The following SLC35F3 variants were observed in gnomAD, a reference collection of about 807,000 sequenced individuals.
SLC35F3 encodes solute carrier family 35 member F3, also known as putative thiamine transporter SLC35F3.
Under a neutral mutation model 49.9 loss-of-function variants are expected in SLC35F3, and 25 were observed. The ratio of observed to expected loss-of-function variants is 0.50; its 90% confidence interval spans 0.37 to 0.70. The LOEUF is 0.70. Ranked by LOEUF, SLC35F3 falls within the 30% of genes least tolerant of loss-of-function variation. The pLI is 0.00. For synonymous variants in SLC35F3, 275 were observed against 265.4 expected (o/e 1.04, Z -0.35); for missense variants, 525 against 639.8 (o/e 0.82, Z 1.94).
At position 233,977,349 on chromosome 1, in the gene SLC35F3, C is replaced by A. The variant is rs148735450; in HGVS notation, c.283+71591C>A. On this transcript the variant is annotated intron_variant, in intron 2 of 7. Transcript: ENST00000366618. ...TGGGATTACAAAATTGCAGCTTTGT[C>A]TTTTAGAAGAGAAAATTCACAGAGA... is the stretch of plus-strand genomic sequence containing the variant. Among the ~76,000 whole-genome samples, 101 of 152,308 alleles carry A rather than the reference C, an allele frequency of 6.6e-4. 1 individual carries two copies. In the East Asian group the frequency reaches 0.016, roughly 24 times the overall value.
In SLC35F3 at chr1:233,921,856, A is replaced by G. The variant is rs1662067505; in HGVS notation, c.283+16098A>G. 3.2e-5 allele frequency among the ~76,000 whole-genome samples: 4 copies of G among 126,536 alleles called. No homozygotes were observed. In the South Asian group the frequency reaches 7.6e-4, roughly 24 times the overall value. 83.0% of individuals were successfully genotyped at this position (126,536 alleles called of 152,430 possible). A position where few individuals can be genotyped will look rare whatever the true frequency, so the allele number is the denominator to read the frequency against. On this transcript the variant is annotated intron_variant, in intron 2 of 7. Coordinates refer to ENST00000366618, the MANE Select transcript of SLC35F3 (RefSeq NM_173508.4). ...TTCCCCACCCAGTGTACAAGTGTCC[A>G]TTGTTCAATTCCCACCTGTGAGTGA...
chr1:234,168,503 A>G (rs188463846), intron 2 of SLC35F3, among the ~76,000 whole-genome samples: 1 of 152,390 alleles, frequency 6.6e-6, no homozygotes, highest in East Asian at 1.9e-4. Flanking sequence ...TCTGGCCATC[A>G]TGCAGCAGAG....
At chr1:233,998,794 A>G (rs1305519874) in intron 2 of SLC35F3, among the ~76,000 whole-genome samples, 2 of 152,194 alleles carry the variant, frequency 1.3e-5, no homozygotes, top group African/African-American at 4.8e-5. Flanking sequence ...TTAAAGGAAC[A>G]TCTAATATCT....
chr1:234,099,682 A>C (rs912724457), intron 2 of SLC35F3, among the ~76,000 whole-genome samples: 2 of 152,078 alleles, frequency 1.3e-5, no homozygotes, highest in Non-Finnish European at 2.9e-5. Context: ...GCAATACAAG[A>C]GAACACAGAG....
intron 2 of SLC35F3, among the ~76,000 whole-genome samples, chr1:234,121,282 G>A (rs567391758): frequency 1.3e-5 from 2 of 151,450 alleles, no homozygotes; most frequent in Admixed American, 1.3e-4. Context: ...GATTACAGGC[G>A]CCCGCCACCA....
At chr1:234,150,186 G>C (rs1490702416) in intron 2 of SLC35F3, among the ~76,000 whole-genome samples, 1 of 152,236 alleles carries the variant, frequency 6.6e-6, no homozygotes, top group Non-Finnish European at 1.5e-5. Flanking sequence ...CATTTAAATT[G>C]TGCTCAAATG....
chr1:234,029,131 G>C (rs138771364), intron 2 of SLC35F3, among the ~76,000 whole-genome samples: 1 of 152,278 alleles, frequency 6.6e-6, no homozygotes, highest in South Asian at 2.1e-4. Context: ...GCTTGGGGCT[G>C]GGTGATAACA....
intron 2 of SLC35F3, among the ~76,000 whole-genome samples, chr1:234,033,448 G>C (rs995745831): frequency 2.0e-5 from 3 of 152,088 alleles, no homozygotes; most frequent in Non-Finnish European, 2.9e-5. Flanking sequence ...TGTCTAGAAG[G>C]GTTTTTCCAA....
intron 2 of SLC35F3, among the ~76,000 whole-genome samples, chr1:234,067,005 T>C (rs1274291934): frequency 6.6e-6 from 1 of 152,248 alleles, no homozygotes; most frequent in Non-Finnish European, 1.5e-5. Context: ...TCAAACATTT[T>C]TACAAATAAC....
chr1:234,139,899 G>T (rs2102902414), intron 2 of SLC35F3, among the ~76,000 whole-genome samples: 1 of 149,712 alleles, frequency 6.7e-6, no homozygotes, highest in South Asian at 2.1e-4. Flanking sequence ...AGTGAGCCGA[G>T]ATGGTGCCCC....
chr1:233,940,361 CACACACACAG>C (rs938724790), intron 2 of SLC35F3, among the ~76,000 whole-genome samples: 6 of 124,984 alleles, frequency 4.8e-5, no homozygotes, highest in African/African-American at 1.9e-4. Context: ...GACACACACA[CACACACACAG>C]AGAGAGAGAG....
At chr1:234,125,254 C>T (rs1665629877) in intron 2 of SLC35F3, among the ~76,000 whole-genome samples, 1 of 152,082 alleles carries the variant, frequency 6.6e-6, no homozygotes, top group Non-Finnish European at 1.5e-5. Context: ...AGCCAAATTG[C>T]CCAGTTCACG....
intron 2 of SLC35F3, among the ~76,000 whole-genome samples, chr1:234,208,280 A>C (rs1414432024): frequency 6.6e-6 from 1 of 152,200 alleles, no homozygotes; most frequent in African/African-American, 2.4e-5. Flanking sequence ...GTAAAGTGGG[A>C]CTATAGATAT....
At chr1:234,250,436 C>T (rs1667717633) in intron 3 of SLC35F3, among the ~76,000 whole-genome samples, 2 of 152,056 alleles carry the variant, frequency 1.3e-5, no homozygotes, top group African/African-American at 4.8e-5. Context: ...GGGCGGATCA[C>T]GAGGTCAGGA....
At chr1:233,946,858 G>A (rs925966847) in intron 2 of SLC35F3, among the ~76,000 whole-genome samples, 5 of 152,230 alleles carry the variant, frequency 3.3e-5, no homozygotes, top group Non-Finnish European at 5.9e-5. Flanking sequence ...GCCACTGCCT[G>A]GCAGACAGGA....
intron 2 of SLC35F3, among the ~76,000 whole-genome samples, chr1:233,907,643 G>A (rs938633689): frequency 1.2e-4 from 18 of 152,088 alleles, no homozygotes; most frequent in Non-Finnish European, 1.0e-4. Context: ...GAATTAATTA[G>A]GTGTAATGTT....
intron 3 of SLC35F3, among the ~76,000 whole-genome samples, chr1:234,233,970 G>A (rs1354994884): frequency 1.3e-5 from 2 of 152,136 alleles, no homozygotes; most frequent in Non-Finnish European, 2.9e-5. Flanking sequence ...ATACACCATT[G>A]GAGGGGTGAA....
intron 2 of SLC35F3, among the ~76,000 whole-genome samples, chr1:234,119,333 A>C (rs1298516551): frequency 7.2e-5 from 11 of 151,986 alleles, no homozygotes; most frequent in Admixed American, 7.2e-4. Flanking sequence ...CGTTCAAACA[A>C]AAATCTCTTA....
Position 233,905,574 on chromosome 1 carries a change from C to A in SLC35F3, c.99C>A (p.Asp33Glu). The change falls in exon 2 of 8, where the codon GAC (aspartate) becomes GAA (glutamate). Residue 33 changes from aspartate to glutamate, a missense_variant. Asp to Glu is a conservative substitution (Grantham distance 45, BLOSUM62 2). Around this residue, in one of 4 missense-constraint regions of SLC35F3, gnomAD observed 228 missense variants for 218.9 expected, o/e 1.04. Transcript: ENST00000366618. ...ACGTCAGCCCCCGGAGACTGTCCGA[C>A]ATCAGCCCCCAGCTCCGGCAGCTCA... ...SPDVSPRRLS[D>E]ISPQLRQLKY... 1.2e-6 allele frequency: 2 copies of A among 1,614,140 alleles called. No individual in the cohort carries two copies. The highest frequency in any genetic ancestry group is 2.2e-5 in the South Asian group (2 of 91,090).
Sources: allele counts gnomAD v4.1 joint callset (sites outside exome capture counted in the v4.1 genomes callset), GRCh38; gene constraint gnomAD v4.1.1; regional missense constraint gnomAD v4.1.1; transcripts MANE v1.5; gene names NCBI Gene and HGNC (gene_info 2026-07-23, HGNC 2026-07-21).